Variants in FUT8 observed in about 807,000 individuals in gnomAD.
FUT8 encodes the protein fucosyltransferase 8.
A neutral mutation model predicts 71.3 loss-of-function variants in FUT8; 29 were observed. The ratio of observed to expected loss-of-function variants is 0.41; its 90% confidence interval spans 0.30 to 0.55. FUT8 has a LOEUF of 0.55. Ranked by LOEUF, FUT8 falls within the 20% of genes least tolerant of loss-of-function variation. FUT8 has a pLI of 0.34. For missense variants in FUT8, 544 were observed against 702.1 expected (o/e 0.77, Z 2.55); for synonymous variants, 254 against 239.3 (o/e 1.06, Z -0.57).
At chr14:65,599,139 G>A (rs1297661499) in intron 3 of FUT8, among the ~76,000 whole-genome samples, 1 of 152,116 alleles carries the variant, frequency 6.6e-6, no homozygotes, top group Non-Finnish European at 1.5e-5. Context: ...TTCTGCCTGA[G>A]CCTTGTTTCC....
At chr14:65,546,975 A>G (rs1222986819) in intron 2 of FUT8, among the ~76,000 whole-genome samples, 1 of 151,764 alleles carries the variant, frequency 6.6e-6, no homozygotes, top group Non-Finnish European at 1.5e-5. Context: ...CTTTTAGGAA[A>G]TCTGTCCATT....
chr14:65,724,850 A>T (rs747645836), intron 9 of FUT8, among the ~76,000 whole-genome samples: 3 of 152,082 alleles, frequency 2.0e-5, no homozygotes, highest in Non-Finnish European at 4.4e-5. Context: ...ATGTCTCCAC[A>T]TATAAGGACA....
At chr14:65,576,903 A>G (rs975072551) in intron 3 of FUT8, among the ~76,000 whole-genome samples, 6 of 151,542 alleles carry the variant, frequency 4.0e-5, no homozygotes, top group Non-Finnish European at 7.4e-5. Context: ...TACTTTTCAT[A>G]GAGATGGGGT....
At chr14:65,689,203 AATAGAT>A (rs1285176557) in intron 7 of FUT8, among the ~76,000 whole-genome samples, 1 of 152,208 alleles carries the variant, frequency 6.6e-6, no homozygotes, top group Non-Finnish European at 1.5e-5. Flanking sequence ...TAGCCATTCT[AATAGAT>A]ATGTGGTAGT....
chr14:65,676,834 CAAGAT>C (rs1413489016), intron 7 of FUT8, among the ~76,000 whole-genome samples: 1 of 152,058 alleles, frequency 6.6e-6, no homozygotes, highest in Non-Finnish European at 1.5e-5. Context: ...ATTCTACAAA[CAAGAT>C]AATTGTTGAC....
At position 65,439,979 on chromosome 14, in the gene FUT8, T is replaced by C. The variant is rs1442337546; in HGVS notation, c.-325-15642T>C. Among the ~76,000 whole-genome samples, 5 of 138,136 alleles carry C rather than the reference T, an allele frequency of 3.6e-5. 1 individual carries two copies. The highest frequency in any genetic ancestry group is 1.1e-4 in the African/African-American group (4 of 37,640). The allele number at this position is 138,136 out of a possible 152,430, so 90.6% of individuals were successfully genotyped here. A position where few individuals can be genotyped will look rare whatever the true frequency, so the allele number is the denominator to read the frequency against. On this transcript the variant is annotated intron_variant, in intron 1 of 10. Coordinates refer to ENST00000673929, the MANE Select transcript of FUT8 (RefSeq NM_001371533.1). Reference sequence around the variant, plus strand: ...GTATATATATATATATATATATATATATATATATATATGTACACACACACA... The same window carrying C: ...GTATATATATATATATATATATATACATATATATATATGTACACACACACA...
At chr14:65,601,941 AC>A (rs1391664850) in intron 3 of FUT8, among the ~76,000 whole-genome samples, 3 of 152,028 alleles carry the variant, frequency 2.0e-5, no homozygotes, top group Non-Finnish European at 4.4e-5. Flanking sequence ...TACAGATGTA[AC>A]CTTTTTTTTA....
At chr14:65,528,796 A>G (rs1883715194) in intron 2 of FUT8, 1 of 152,208 alleles carries the variant, frequency 6.6e-6, no homozygotes. Context: ...ATATGGCTTC[A>G]TTGGAAACTT....
At chr14:65,575,744 G>T (rs1189365778) in intron 3 of FUT8, among the ~76,000 whole-genome samples, 1 of 151,672 alleles carries the variant, frequency 6.6e-6, no homozygotes, top group African/African-American at 2.4e-5. Flanking sequence ...TCGGCCTCCC[G>T]AGTAGCTGGA....
At chr14:65,515,120 CCTAGTGTAGT>C (rs1566795439) in intron 2 of FUT8, among the ~76,000 whole-genome samples, 1 of 152,036 alleles carries the variant, frequency 6.6e-6, no homozygotes, top group East Asian at 1.9e-4. Context: ...AAATTCAGTT[CCTAGTGTAGT>C]CTAGGAAGAT....
intron 6 of FUT8, among the ~76,000 whole-genome samples, chr14:65,662,749 G>C (rs1007916419): frequency 3.3e-5 from 5 of 152,186 alleles, no homozygotes; most frequent in African/African-American, 1.2e-4. Context: ...ACAGGGAGAG[G>C]TTGTGTAGGG....
chr14:65,582,395 T>G (rs369902191), intron 3 of FUT8, among the ~76,000 whole-genome samples: 6 of 152,344 alleles, frequency 3.9e-5, no homozygotes. Context: ...ATGTTTACTC[T>G]TAATACTTTC....
chr14:65,656,687 C>T (rs898236774), intron 6 of FUT8, among the ~76,000 whole-genome samples: 17 of 152,108 alleles, frequency 1.1e-4, no homozygotes, highest in African/African-American at 3.9e-4. Flanking sequence ...CTATCCTGAG[C>T]AAAAACCTCA....
chr14:65,516,523 T>C (rs1357195382), intron 2 of FUT8: 1 of 152,186 alleles, frequency 6.6e-6, no homozygotes, highest in Non-Finnish European at 1.5e-5. Flanking sequence ...AAAATAACTT[T>C]ATTTTTCAAG....
intron 2 of FUT8, among the ~76,000 whole-genome samples, chr14:65,465,225 T>G (rs1174556687): frequency 6.6e-6 from 1 of 152,250 alleles, no homozygotes; most frequent in Non-Finnish European, 1.5e-5. Flanking sequence ...TCTGGTTTCC[T>G]AAATTAAAAG....
chr14:65,519,458 A>T (rs186116546), intron 2 of FUT8, among the ~76,000 whole-genome samples: 70 of 152,348 alleles, frequency 4.6e-4, no homozygotes, highest in Non-Finnish European at 5.9e-4. Flanking sequence ...ATGGTGGAGA[A>T]ATGATAACAA....
intron 1 of FUT8, among the ~76,000 whole-genome samples, chr14:65,445,406 T>A (rs186651933): frequency 5.3e-4 from 80 of 152,254 alleles, no homozygotes; most frequent in Admixed American, 1.9e-3. Flanking sequence ...GTTTATAAAT[T>A]ACCCTCTCTC....
chr14:65,525,681 T>A (rs1883412971), intron 2 of FUT8, among the ~76,000 whole-genome samples: 1 of 152,278 alleles, frequency 6.6e-6, no homozygotes, highest in Non-Finnish European at 1.5e-5. Flanking sequence ...TCTTTCCTGC[T>A]TTCTCTTGTG....
At chr14:65,721,417 T>C (rs567226949) in intron 7 of FUT8, among the ~76,000 whole-genome samples, 7 of 152,344 alleles carry the variant, frequency 4.6e-5, no homozygotes, top group African/African-American at 1.7e-4. Flanking sequence ...CACTTTATTT[T>C]CTAATTCCAA....
Sources: allele counts gnomAD v4.1 joint callset (sites outside exome capture counted in the v4.1 genomes callset), GRCh38; gene constraint gnomAD v4.1.1; transcripts MANE v1.5; gene names NCBI Gene and HGNC (gene_info 2026-07-23, HGNC 2026-07-21).